Variants in KCNIP1 observed in about 807,000 individuals in gnomAD.
KCNIP1 encodes A-type potassium channel modulatory protein KCNIP1.
A neutral mutation model predicts 33.0 loss-of-function variants in KCNIP1; 18 were observed. That is an observed-to-expected ratio of 0.55 (90% CI 0.38 to 0.81). The LOEUF (loss-of-function observed/expected upper bound fraction) is 0.81, where lower values mean the gene tolerates loss of function less well. Ranked by LOEUF, KCNIP1 falls within the 30% of genes least tolerant of loss-of-function variation. KCNIP1 has a pLI of 0.00. For missense variants in KCNIP1, 238 were observed against 271.6 expected (o/e 0.88, Z 0.87); for synonymous variants, 93 against 98.3 (o/e 0.95, Z 0.32).
intron 1 of KCNIP1, among the ~76,000 whole-genome samples, chr5:170,640,173 G>A (rs776108686): frequency 2.6e-5 from 4 of 152,210 alleles, no homozygotes; most frequent in Non-Finnish European, 4.4e-5. Flanking sequence ...GAGGTCCAAC[G>A]GTGACTCCCA....
intron 1 of KCNIP1, among the ~76,000 whole-genome samples, chr5:170,424,994 C>T (rs1755580482): frequency 6.6e-6 from 1 of 152,192 alleles, no homozygotes; most frequent in Admixed American, 6.5e-5. Flanking sequence ...AGACCCTTCC[C>T]ATGACTAGCT....
chr5:170,516,934 A>C (rs1333312945), intron 1 of KCNIP1, among the ~76,000 whole-genome samples: 5 of 152,298 alleles, frequency 3.3e-5, no homozygotes, highest in Middle Eastern at 3.4e-3. Flanking sequence ...TCATAGCAAT[A>C]ATAATGATTT....
At chr5:170,664,557 C>G (rs559048710) in intron 1 of KCNIP1, among the ~76,000 whole-genome samples, 1 of 152,132 alleles carries the variant, frequency 6.6e-6, no homozygotes, top group Admixed American at 6.5e-5. Flanking sequence ...GCAATCCACC[C>G]GCTTCAGCCT....
intron 1 of KCNIP1, among the ~76,000 whole-genome samples, chr5:170,672,783 T>C (rs928017819): frequency 3.9e-5 from 6 of 152,236 alleles, no homozygotes; most frequent in African/African-American, 1.2e-4. Context: ...GAGGATTTGA[T>C]TGCAAACAGG....
intron 1 of KCNIP1, among the ~76,000 whole-genome samples, chr5:170,571,409 T>G (rs1757404511): frequency 6.6e-6 from 1 of 152,242 alleles, no homozygotes; most frequent in Non-Finnish European, 1.5e-5. Context: ...CTCTCCTGCC[T>G]TCTTGCCTGT....
At chr5:170,534,637 A>T (rs1038463358) in intron 1 of KCNIP1, among the ~76,000 whole-genome samples, 3 of 151,404 alleles carry the variant, frequency 2.0e-5, no homozygotes. Flanking sequence ...CCCCACCTCA[A>T]CCTCCCAAGT....
Position 170,697,355 on chromosome 5 carries a change from C to G in KCNIP1, c.62-21403C>G, listed in dbSNP as rs556082190. Among the ~76,000 whole-genome samples, 91 of 152,318 alleles carry G rather than the reference C, an allele frequency of 6.0e-4. 1 individual carries two copies. Among genetic ancestry groups the G allele is most frequent in the Middle Eastern group, 3.4e-3 (1 of 294 alleles). ...TCTGGGAACAAGGACCACACCTGTC[C>G]TGTTCATCACTGTAATCATCACACT... On this transcript the variant is annotated intron_variant, in intron 1 of 7. Transcript: ENST00000328939.
At chr5:170,538,065 G>A (rs756605023) in intron 1 of KCNIP1, among the ~76,000 whole-genome samples, 3 of 152,214 alleles carry the variant, frequency 2.0e-5, no homozygotes, top group Non-Finnish European at 4.4e-5. Context: ...AGAGCCCTGG[G>A]AGGAAGCTAC....
At chr5:170,515,969 G>A (rs1029965855) in intron 1 of KCNIP1, among the ~76,000 whole-genome samples, 3 of 152,202 alleles carry the variant, frequency 2.0e-5, no homozygotes, top group Non-Finnish European at 4.4e-5. Context: ...AACAGGATAA[G>A]CAAAGTCACA....
intron 1 of KCNIP1, among the ~76,000 whole-genome samples, chr5:170,597,220 G>A (rs760119130): frequency 2.0e-5 from 3 of 152,146 alleles, no homozygotes; most frequent in Non-Finnish European, 2.9e-5. Context: ...CCAGTTTAAA[G>A]GCCAGGAGCA....
intron 1 of KCNIP1, among the ~76,000 whole-genome samples, chr5:170,685,359 A>C (rs1164418096): frequency 6.7e-6 from 1 of 150,074 alleles, no homozygotes; most frequent in Non-Finnish European, 1.5e-5. Context: ...TCCAGATCCC[A>C]CTCTGCCAAC....
intron 1 of KCNIP1, among the ~76,000 whole-genome samples, chr5:170,532,363 G>T (rs1194150229): frequency 1.3e-5 from 2 of 152,162 alleles, no homozygotes; most frequent in Admixed American, 1.3e-4. Context: ...GTTTCTGCTG[G>T]TGCTTTTGTT....
At chr5:170,523,389 C>T (rs754250082) in intron 1 of KCNIP1, among the ~76,000 whole-genome samples, 3 of 152,218 alleles carry the variant, frequency 2.0e-5, no homozygotes, top group Non-Finnish European at 2.9e-5. Flanking sequence ...GATAATTACA[C>T]GATTCAGAGC....
intron 1 of KCNIP1, among the ~76,000 whole-genome samples, chr5:170,545,019 C>T (rs1335555303): frequency 1.3e-5 from 2 of 152,186 alleles, no homozygotes; most frequent in African/African-American, 2.4e-5. Context: ...AATTTTCCTT[C>T]AGCCTGAAGA....
intron 1 of KCNIP1, among the ~76,000 whole-genome samples, chr5:170,359,480 A>ACCAT (rs1763442940): frequency 6.6e-6 from 1 of 152,040 alleles, no homozygotes; most frequent in African/African-American, 2.4e-5. Flanking sequence ...GAGAGTCCCC[A>ACCAT]CCATCCGAGT....
chr5:170,372,799 G>A (rs758676202), intron 1 of KCNIP1, among the ~76,000 whole-genome samples: 6 of 152,202 alleles, frequency 3.9e-5, no homozygotes, highest in Non-Finnish European at 7.3e-5. Context: ...ACAGGAGGAG[G>A]ACTCAGTGCA....
chr5:170,651,219 C>A (rs1162832745), intron 1 of KCNIP1, among the ~76,000 whole-genome samples: 1 of 152,162 alleles, frequency 6.6e-6, no homozygotes, highest in Non-Finnish European at 1.5e-5. Context: ...GACAAGTCAC[C>A]AAGAGAGGCA....
At chr5:170,549,624 A>G (rs1756536307) in intron 1 of KCNIP1, among the ~76,000 whole-genome samples, 1 of 152,246 alleles carries the variant, frequency 6.6e-6, no homozygotes, top group Non-Finnish European at 1.5e-5. Flanking sequence ...TGTTTCTGAA[A>G]GTATGTTCCT....
chr5:170,503,754 A>ACACACACACG (rs1754568673), upstream of KCNIP1, among the ~76,000 whole-genome samples: 2 of 149,876 alleles, frequency 1.3e-5, no homozygotes, highest in African/African-American at 4.9e-5. Context: ...ACACACACAC[A>ACACACACACG]CACACACACA....
Sources: allele counts gnomAD v4.1 joint callset (sites outside exome capture counted in the v4.1 genomes callset), GRCh38; gene constraint gnomAD v4.1.1; transcripts MANE v1.5; gene names NCBI Gene and HGNC (gene_info 2026-07-23, HGNC 2026-07-21).